Variants in KIF13A observed in about 807,000 individuals in gnomAD.
KIF13A encodes kinesin family member 13A, also known as kinesin-like protein KIF13A.
In KIF13A, 79 loss-of-function variants were observed where a neutral mutation model predicts 212.2. The observed-to-expected ratio is 0.37, with a 90% CI of 0.31 to 0.45. KIF13A has a LOEUF of 0.45. Ranked by LOEUF, KIF13A falls within the 20% of genes least tolerant of loss-of-function variation. The probability of loss-of-function intolerance (pLI) is 1.00; values close to 1 mark genes in which losing one functional copy is unlikely to be tolerated. For synonymous variants in KIF13A, 789 were observed against 808.6 expected, an observed-to-expected ratio of 0.98 and a Z score of 0.41; for missense variants, 1,901 against 2,209.0, an observed-to-expected ratio of 0.86 and a Z score of 2.79.
At chr6:17,935,978 C>A (rs969148227) in intron 2 of KIF13A, among the ~76,000 whole-genome samples, 1 of 151,844 alleles carries the variant, frequency 6.6e-6, no homozygotes, top group African/African-American at 2.4e-5. Context: ...TTTTTCTTAA[C>A]GAAAAGACAG....
chr6:17,977,341 A>G (rs1239113571), intron 2 of KIF13A, among the ~76,000 whole-genome samples: 2 of 152,192 alleles, frequency 1.3e-5, no homozygotes, highest in Non-Finnish European at 2.9e-5. Context: ...ATGTAAGAGA[A>G]TAGTTCACGT....
At chr6:17,790,004 G>A in intron 25 of KIF13A, 94 bp from the exon 26 acceptor site, 1 of 947,374 alleles carries the variant, frequency 1.1e-6, no homozygotes, top group Non-Finnish European at 1.7e-6. Context: ...ACATTAAAAT[G>A]GACAGCTTAC....
intron 4 of KIF13A, among the ~76,000 whole-genome samples, chr6:17,862,821 G>A (rs373839181): frequency 2.6e-5 from 4 of 152,274 alleles, no homozygotes; most frequent in African/African-American, 9.6e-5. Context: ...GGTGGCGGGT[G>A]CCTGTAGTCC....
chr6:17,913,663 G>A (rs1313623658), intron 2 of KIF13A, among the ~76,000 whole-genome samples: 5 of 152,116 alleles, frequency 3.3e-5, no homozygotes. Flanking sequence ...GCTGAGCCCT[G>A]GAAGTTGCAG....
chr6:17,883,054 G>A lies in KIF13A; in HGVS notation c.160-9617C>T, dbSNP rs183305037. Among the ~76,000 whole-genome samples the A allele has an allele frequency of 1.1e-3, 161 of 152,234 alleles. No homozygotes were observed. Among genetic ancestry groups the A allele is most frequent in the African/African-American group, 3.0e-3 (123 of 41,528 alleles). On this transcript the variant is annotated intron_variant, in intron 3 of 38. Transcript: ENST00000259711. This position sits in a 1 kb window ranked among gnomAD's most constrained non-coding sequence, Gnocchi z 4.8. ...CTTTTCATTACCAAAAATACTCGGC[G>A]AATTTACATTTTAAAGCAACTTTTG...
rs1051478972 is a variant in KIF13A, at chr6:17,873,537, C to T, written c.160-100G>A. On this transcript the variant is annotated intron_variant, in intron 3 of 38. Transcript: ENST00000259711. The stretch of plus-strand genomic sequence containing the variant: ...CAGGTGAAGATGAGAAGGATGGCCA[C>T]TACTGTCTGACTGAAAAAAATCACT... 24 of 784,652 alleles carry T rather than the reference C, an allele frequency of 3.1e-5. No homozygotes were observed. The African/African-American group carries it at 4.1e-4, about 13-fold the overall frequency. 48.6% of individuals were successfully genotyped at this position (784,652 alleles called of 1,614,324 possible).
At chr6:17,904,663 C>T (rs1242606888) in intron 2 of KIF13A, among the ~76,000 whole-genome samples, 1 of 152,146 alleles carries the variant, frequency 6.6e-6, no homozygotes, top group Non-Finnish European at 1.5e-5. Flanking sequence ...AGCTGAAGTT[C>T]CTTCCCCACA....
chr6:17,800,751 C>T (rs557000287), intron 20 of KIF13A, among the ~76,000 whole-genome samples: 1 of 152,156 alleles, frequency 6.6e-6, no homozygotes, highest in East Asian at 1.9e-4. Flanking sequence ...CAGGTGCCTG[C>T]CACCATGCCT....
At chr6:17,973,648 A>C (rs1225182751) in intron 2 of KIF13A, among the ~76,000 whole-genome samples, 1 of 152,214 alleles carries the variant, frequency 6.6e-6, no homozygotes, top group Non-Finnish European at 1.5e-5. Flanking sequence ...CAGACTATCT[A>C]GTCCAGCCCT....
chr6:17,760,977 G>T, downstream of KIF13A: 1 of 1,224,798 alleles, frequency 8.2e-7, no homozygotes, highest in Non-Finnish European at 1.2e-6. Flanking sequence ...TCACAAGAAA[G>T]GGGCTCTTCC....
chr6:17,918,244 C>G lies in KIF13A; in HGVS notation c.147-20064G>C, dbSNP rs1470683126. On this transcript the variant is annotated intron_variant, in intron 2 of 38. Coordinates refer to ENST00000259711, the MANE Select transcript of KIF13A (RefSeq NM_022113.6). The surrounding 1 kb of genome is among the most constrained non-coding windows in gnomAD (Gnocchi z 4.8). Reference sequence around the variant, plus strand: ...CTGGGTTCTCTCCTATCGGGTCTGGCATAGTGCTTGACGTGCAGCAGAGGA... The same window carrying G: ...CTGGGTTCTCTCCTATCGGGTCTGGGATAGTGCTTGACGTGCAGCAGAGGA... 6.6e-6 allele frequency among the ~76,000 whole-genome samples: 1 copy of G among 151,996 alleles called. No homozygotes were observed. Among genetic ancestry groups the G allele is most frequent in the Admixed American group, 6.6e-5 (1 of 15,256 alleles).
rs1188548395 is a variant in KIF13A, at chr6:17,919,525, A to G, written c.147-21345T>C. ...TTCTCAGAGACTTCAACCCTCCTAT[A>G]TATCCAGAGTAAGAAAGCTGTGAGT... On this transcript the variant is annotated intron_variant, in intron 2 of 38. Coordinates refer to ENST00000259711, the MANE Select transcript of KIF13A (RefSeq NM_022113.6). This position sits in a 1 kb window ranked among gnomAD's most constrained non-coding sequence, Gnocchi z 4.1. 6.6e-6 allele frequency among the ~76,000 whole-genome samples: 1 copy of G among 152,170 alleles called. No homozygotes were observed. The highest frequency in any genetic ancestry group is 1.5e-5 in the Non-Finnish European group (1 of 68,034).
chr6:17,913,242 T>C (rs572097052), intron 2 of KIF13A, among the ~76,000 whole-genome samples: 3 of 152,242 alleles, frequency 2.0e-5, no homozygotes, highest in African/African-American at 2.4e-5. Context: ...AGCTGGAATG[T>C]AGCTGTTCCC....
At chr6:17,862,921 T>C (rs1429033493) in intron 4 of KIF13A, among the ~76,000 whole-genome samples, 1 of 151,912 alleles carries the variant, frequency 6.6e-6, no homozygotes, top group Non-Finnish European at 1.5e-5. Context: ...GCACTCCAGC[T>C]CAGGCGACAG....
At chr6:17,983,581 C>T (rs913608588) in intron 2 of KIF13A, among the ~76,000 whole-genome samples, 2 of 151,416 alleles carry the variant, frequency 1.3e-5, no homozygotes, top group Non-Finnish European at 2.9e-5. Context: ...CAACCTCCAT[C>T]GCCAAGGCTC....
chr6:17,869,683 G>A (rs188160073), intron 4 of KIF13A, among the ~76,000 whole-genome samples: 6 of 152,298 alleles, frequency 3.9e-5, no homozygotes, highest in African/African-American at 4.8e-5. Context: ...AAGTGGGAGC[G>A]TGGAGGCTCT....
Position 17,961,989 on chromosome 6 carries a change from A to G in KIF13A, c.146+25065T>C, listed in dbSNP as rs2150588631. Among the ~76,000 whole-genome samples the G allele has an allele frequency of 6.6e-6, 1 of 152,338 alleles. No individual in the cohort carries two copies. The highest frequency in any genetic ancestry group is 2.1e-4 in the South Asian group (1 of 4,826). The stretch of plus-strand genomic sequence containing the variant: ...GGTTTTTCTTTTGTGTGGCACCTAC[A>G]TACCAATGTGTCTTATAATTGATGG... On this transcript the variant is annotated intron_variant, in intron 2 of 38. Transcript: ENST00000259711. This position sits in a 1 kb window ranked among gnomAD's most constrained non-coding sequence, Gnocchi z 4.1.
Position 17,854,545 on chromosome 6 carries a change from A to ATT in KIF13A, c.494+891_494+892insAA, listed in dbSNP as rs1562059246. On this transcript the variant is annotated intron_variant, in intron 6 of 38. Transcript: ENST00000259711. ...ATAGATACTAGTTTTAAATCAGTAT[A>ATT]ATTTTTTTTTTTTTTTTTTTTTTTT... Among the ~76,000 whole-genome samples the ATT allele has an allele frequency of 3.3e-5, 4 of 119,958 alleles. 1 individual carries two copies. Among genetic ancestry groups the ATT allele is most frequent in the East Asian group, 4.8e-4 (2 of 4,194 alleles). The allele number at this position is 119,958 out of a possible 152,430, so 78.7% of individuals were successfully genotyped here.
intron 2 of KIF13A, chr6:17,950,549 C>G: frequency 1.0e-6 from 1 of 985,188 alleles, no homozygotes; most frequent in Non-Finnish European, 1.2e-6. Context: ...TTCTTATACC[C>G]CATTTGTTGG....
Sources: gnomAD v4.1 joint callset for allele counts (sites outside exome capture counted in the v4.1 genomes callset) on GRCh38, gnomAD v4.1.1 for gene constraint, Gnocchi (gnomAD v3.1) non-coding constraint, MANE v1.5 for transcripts, NCBI Gene and HGNC (gene_info 2026-07-23, HGNC 2026-07-21) for gene names.